The following EXT1 variants were observed in gnomAD, a reference collection of about 807,000 sequenced individuals.
EXT1 encodes exostosin-1.
Under a neutral mutation model 82.5 loss-of-function variants are expected in EXT1, and 20 were observed. That is an observed-to-expected ratio of 0.24 (90% CI 0.17 to 0.35). EXT1 has a LOEUF of 0.35. Ranked by LOEUF, EXT1 falls within the 10% of genes least tolerant of loss-of-function variation. EXT1 has a pLI of 1.00. For synonymous variants in EXT1, 348 were observed against 350.8 expected, an observed-to-expected ratio of 0.99 and a Z score of 0.09; for missense variants, 757 against 936.5, an observed-to-expected ratio of 0.81 and a Z score of 2.50.
rs1004125225 is a variant in EXT1 at position 118,111,228 on chromosome 8, T to G, written c.-182A>C. 21 of 847,824 alleles carry G rather than the reference T, an allele frequency of 2.5e-5. No homozygotes were observed. The highest frequency in any genetic ancestry group is 3.6e-5 in the Non-Finnish European group (19 of 535,034). 52.5% of individuals were successfully genotyped at this position (847,824 alleles called of 1,614,324 possible). On this transcript the variant is annotated 5_prime_UTR_variant, in exon 1 of 11. Transcript: ENST00000378204. Reference sequence around the variant, plus strand: ...TGATCCAGCGCATGTGGGCGATTTCTTTAACTTTCTCCCCTTCGGTCTTTC... The same window carrying G: ...TGATCCAGCGCATGTGGGCGATTTCGTTAACTTTCTCCCCTTCGGTCTTTC...
intron 9 of EXT1, among the ~76,000 whole-genome samples, chr8:117,806,594 T>C (rs983941290): frequency 1.3e-5 from 2 of 152,104 alleles, no homozygotes; most frequent in African/African-American, 2.4e-5. Context: ...CCTCAGGGCA[T>C]TTATTCTCGC....
intron 1 of EXT1, among the ~76,000 whole-genome samples, chr8:118,005,180 A>G (rs1256370370): frequency 6.6e-6 from 1 of 152,226 alleles, no homozygotes; most frequent in Non-Finnish European, 1.5e-5. Context: ...CCAGCCTCAG[A>G]GACCATCACA....
chr8:118,019,032 T>C (rs1237630843), intron 1 of EXT1, among the ~76,000 whole-genome samples: 1 of 151,316 alleles, frequency 6.6e-6, no homozygotes, highest in East Asian at 1.9e-4. Flanking sequence ...GCACCTATCA[T>C]GGCAAAGCTG....
chr8:117,896,740 G>A (rs1813345509), intron 1 of EXT1, among the ~76,000 whole-genome samples: 1 of 152,196 alleles, frequency 6.6e-6, no homozygotes, highest in African/African-American at 2.4e-5. Context: ...GAGGTGGATG[G>A]AGAACAGGTT....
intron 1 of EXT1, among the ~76,000 whole-genome samples, chr8:117,967,924 T>C (rs1265841818): frequency 6.6e-6 from 1 of 152,206 alleles, no homozygotes; most frequent in Non-Finnish European, 1.5e-5. Flanking sequence ...GTTAATAGTA[T>C]TGTATTCCAT....
At chr8:117,970,918 A>G (rs1814926505) in intron 1 of EXT1, among the ~76,000 whole-genome samples, 1 of 152,140 alleles carries the variant, frequency 6.6e-6, no homozygotes, top group African/African-American at 2.4e-5. Flanking sequence ...GGGCAGCAGG[A>G]TCATCTCACA....
chr8:118,104,507 A>G (rs1419946437), intron 1 of EXT1, among the ~76,000 whole-genome samples: 1 of 152,306 alleles, frequency 6.6e-6, no homozygotes, highest in South Asian at 2.1e-4. Context: ...GTATGAAGGA[A>G]GCGCTAGGTA....
intron 1 of EXT1, among the ~76,000 whole-genome samples, chr8:117,885,507 AAAAAAG>A (rs1369052586): frequency 6.6e-5 from 10 of 151,764 alleles, no homozygotes; most frequent in African/African-American, 1.9e-4. Context: ...AAAAAAAAAA[AAAAAAG>A]AAAGAAAGAA....
At chr8:117,924,880 A>C (rs976989685) in intron 1 of EXT1, among the ~76,000 whole-genome samples, 3 of 152,226 alleles carry the variant, frequency 2.0e-5, no homozygotes, top group African/African-American at 7.2e-5. Context: ...GTATACATGA[A>C]TGATACAATT....
intron 1 of EXT1, among the ~76,000 whole-genome samples, chr8:118,073,633 A>G (rs1310369608): frequency 1.2e-4 from 1 of 8,694 alleles, no homozygotes; most frequent in Non-Finnish European, 3.6e-4. Flanking sequence ...GAGAAGAGAA[A>G]GAAGAGAAGA....
chr8:117,876,211 A>G lies in EXT1; in HGVS notation c.963-39010T>C, dbSNP rs28357262. 3.9e-5 allele frequency among the ~76,000 whole-genome samples: 6 copies of G among 152,356 alleles called. No individual in the cohort carries two copies. In the East Asian group the frequency reaches 1.2e-3, roughly 29 times the overall value. Reference sequence around the variant, plus strand: ...TGTATCGGGGTATACTGGGACAGAGAAGCATCTAACTCACAAGGAATATAT... The same window carrying G: ...TGTATCGGGGTATACTGGGACAGAGGAGCATCTAACTCACAAGGAATATAT... On this transcript the variant is annotated intron_variant, in intron 1 of 10. Transcript: ENST00000378204.
intron 1 of EXT1, among the ~76,000 whole-genome samples, chr8:117,962,238 CTTCT>C (rs1286767835): frequency 1.3e-5 from 2 of 152,172 alleles, no homozygotes; most frequent in South Asian, 2.1e-4. Context: ...TTGGAATACT[CTTCT>C]TTCTATGAAT....
chr8:117,873,447 CTTTTTTTTTTTTTTTT>C (rs1184985472), intron 1 of EXT1, among the ~76,000 whole-genome samples: 2 of 99,706 alleles, frequency 2.0e-5, no homozygotes, highest in Non-Finnish European at 3.9e-5. Flanking sequence ...TGTCCTGTGA[CTTTTTTTTTTTTTTTT>C]TTTTTTTTTT....
chr8:117,915,428 C>T (rs919255046), intron 1 of EXT1, among the ~76,000 whole-genome samples: 11 of 151,972 alleles, frequency 7.2e-5, no homozygotes, highest in Admixed American at 4.6e-4. Context: ...GCCTAATATT[C>T]TACCAAATGG....
chr8:118,020,131 T>C (rs1816074917), intron 1 of EXT1, among the ~76,000 whole-genome samples: 1 of 152,142 alleles, frequency 6.6e-6, no homozygotes. Context: ...GTGTTTGGGG[T>C]TTTATTAGTC....
chr8:117,807,418 T>C, intron 8 of EXT1, 41 bp from the exon 9 acceptor site: 2 of 1,612,580 alleles, frequency 1.2e-6, no homozygotes, highest in South Asian at 2.2e-5. Flanking sequence ...TCAACAGTGT[T>C]AACAAATGTC....
chr8:118,069,365 T>C (rs1169079431), intron 1 of EXT1, among the ~76,000 whole-genome samples: 1 of 152,206 alleles, frequency 6.6e-6, no homozygotes, highest in African/African-American at 2.4e-5. Flanking sequence ...CACAGTGCTC[T>C]TCAGCCCAGT....
At chr8:117,881,555 A>G (rs906316777) in intron 1 of EXT1, among the ~76,000 whole-genome samples, 1 of 152,190 alleles carries the variant, frequency 6.6e-6, no homozygotes, top group Non-Finnish European at 1.5e-5. Flanking sequence ...ACTTGAGTCA[A>G]GGGGTAAAGC....
intron 4 of EXT1, among the ~76,000 whole-genome samples, chr8:117,828,966 G>A (rs1267595317): frequency 6.6e-6 from 1 of 152,110 alleles, no homozygotes; most frequent in African/African-American, 2.4e-5. Flanking sequence ...ACAGCGATGT[G>A]GACCAAGTAG....
Sources: allele counts gnomAD v4.1 joint callset (sites outside exome capture counted in the v4.1 genomes callset), GRCh38; gene constraint gnomAD v4.1.1; transcripts MANE v1.5; gene names NCBI Gene and HGNC (gene_info 2026-07-23, HGNC 2026-07-21).